GLIS3: variants seen among roughly 807,000 people sequenced by gnomAD.
GLIS3 encodes the protein GLIS family zinc finger 3, also known as zinc finger protein GLIS3.
A neutral mutation model predicts 78.6 loss-of-function variants in GLIS3; 53 were observed. That is an observed-to-expected ratio of 0.67 (90% CI 0.54 to 0.85). The LOEUF is 0.85. GLIS3 is among the 40% of genes least tolerant of loss of function. The probability of loss-of-function intolerance (pLI) is 0.00; values close to 1 mark genes in which losing one functional copy is unlikely to be tolerated. For missense variants in GLIS3, 1,703 were observed against 1,231.1 expected, an observed-to-expected ratio of 1.38 and a Z score of -5.74; for synonymous variants, 684 against 509.9, an observed-to-expected ratio of 1.34 and a Z score of -4.60.
chr9:3,881,801 A>G (rs536763776), intron 7 of GLIS3, among the ~76,000 whole-genome samples: 1 of 152,320 alleles, frequency 6.6e-6, no homozygotes, highest in Admixed American at 6.5e-5. Flanking sequence ...TGAAGGGAGC[A>G]GACCTCTATA....
the GLIS3 span, among the ~76,000 whole-genome samples, chr9:4,402,067 C>T: frequency 1.6e-4 from 24 of 152,262 alleles, no homozygotes; most frequent in Admixed American, 1.0e-3. Flanking sequence ...GGGAACTCAC[C>T]GTCTTAAAAG....
Position 4,342,059 on chromosome 9 carries a change from T to A in GLIS3, n.264+5022A>T, listed in dbSNP as rs144838379. Among the ~76,000 whole-genome samples, 571 of 152,372 alleles carry A rather than the reference T, an allele frequency of 3.7e-3. 3 individuals carry two copies. Among genetic ancestry groups the A allele is most frequent in the African/African-American group, 0.013 (548 of 41,582 alleles). On this transcript the variant is annotated intron_variant and non_coding_transcript_variant, in intron 2 of 4. Transcript: ENST00000471664. The stretch of plus-strand genomic sequence containing the variant: ...CCCATTCTGTAGTTTGTCTGTTTAA[T>A]CTGTGGATAGTTTCTTTTGCTGTGC...
chr9:4,392,948 T>TC, the GLIS3 span, among the ~76,000 whole-genome samples: 6 of 151,936 alleles, frequency 3.9e-5, no homozygotes, highest in African/African-American at 9.7e-5. Flanking sequence ...TTTTTTTTTT[T>TC]CCCCACATAT....
rs1832542813 is a variant in GLIS3, at chr9:4,125,937, A to G, written c.393T>C (p.Ala131=). 1.9e-6 allele frequency: 3 copies of G among 1,613,556 alleles called. No individual in the cohort carries two copies. The highest frequency in any genetic ancestry group is 1.7e-6 in the Non-Finnish European group (2 of 1,179,582). ...SPFPPNPGKG[A]LGFGPQCKSI... The stretch of plus-strand genomic sequence containing the variant: ...ACTTGCACTGAGGCCCAAAGCCAAG[A>G]GCCCCTAAAAACAAATGAATCAGGT... The change falls in exon 3 of 11, where the codon GCT becomes GCC. Residue 131 remains alanine, a synonymous_variant. Coordinates refer to ENST00000381971, the MANE Select transcript of GLIS3 (RefSeq NM_001042413.2).
Position 4,118,333 on chromosome 9 carries a change from G to A in GLIS3, c.1145C>T (p.Pro382Leu), listed in dbSNP as rs937756052. 4.4e-6 allele frequency: 7 copies of A among 1,575,134 alleles called. No homozygotes were observed. Among genetic ancestry groups the A allele is most frequent in the Admixed American group, 1.8e-5 (1 of 55,124 alleles). Residue 382 changes from proline to leucine, a missense_variant, in exon 4 of 11, where the codon CCG becomes CTG. Physicochemically the swap from Pro to Leu is moderately conservative, Grantham distance 98 (BLOSUM62 -3). Transcript: ENST00000381971. The surrounding 1 kb of genome is among the most constrained non-coding windows in gnomAD (Gnocchi z 4.7). ...VLVAPGGLAL[P>L]AYGEDGALEH... ...CAGGGCCCCGTCCTCGCCGTAGGCCGGCAGCGCCAGGCCTCCAGGGGCCAC... is the reference window on the plus strand; with the variant it reads ...CAGGGCCCCGTCCTCGCCGTAGGCCAGCAGCGCCAGGCCTCCAGGGGCCAC...
intron 4 of GLIS3, among the ~76,000 whole-genome samples, chr9:4,060,183 T>G (rs1030158027): frequency 1.3e-5 from 2 of 152,114 alleles, no homozygotes; most frequent in Admixed American, 6.6e-5. Flanking sequence ...AAACTCTCAG[T>G]GGAATTCCCA....
chr9:4,324,621 T>C (rs950371720), intron 2 of GLIS3, among the ~76,000 whole-genome samples: 1 of 152,240 alleles, frequency 6.6e-6, no homozygotes, highest in Non-Finnish European at 1.5e-5. Flanking sequence ...TTCTGAAATA[T>C]CTTCTCAAAA....
At chr9:4,193,648 A>T (rs1818531566) in intron 2 of GLIS3, among the ~76,000 whole-genome samples, 1 of 152,238 alleles carries the variant, frequency 6.6e-6, no homozygotes, top group Non-Finnish European at 1.5e-5. Context: ...TGTCAGAGAT[A>T]ATTTCAAGTT....
At chr9:4,139,834 C>T (rs970263923) in intron 2 of GLIS3, among the ~76,000 whole-genome samples, 15 of 152,194 alleles carry the variant, frequency 9.9e-5, no homozygotes, top group Admixed American at 3.9e-4. Flanking sequence ...TGATCTGACA[C>T]GAGGCGAAGC....
chr9:4,419,549 G>A, the GLIS3 span, among the ~76,000 whole-genome samples: 1 of 152,124 alleles, frequency 6.6e-6, no homozygotes, highest in East Asian at 1.9e-4. Context: ...CAGCATTTGA[G>A]GAGGCCGAGG....
chr9:4,092,253 A>G (rs1007720960), intron 4 of GLIS3, among the ~76,000 whole-genome samples: 1 of 150,264 alleles, frequency 6.7e-6, no homozygotes, highest in African/African-American at 2.5e-5. Flanking sequence ...CTGGGTTCAC[A>G]CCATTCTCCT....
chr9:4,355,362 T>G, the GLIS3 span, among the ~76,000 whole-genome samples: 6 of 152,072 alleles, frequency 3.9e-5, no homozygotes, highest in Non-Finnish European at 5.9e-5. Flanking sequence ...AGGCAATGCA[T>G]ATAGAGGGGT....
intron 9 of GLIS3, among the ~76,000 whole-genome samples, chr9:3,843,439 C>A (rs1055297212): frequency 2.0e-5 from 3 of 152,080 alleles, no homozygotes; most frequent in Admixed American, 2.0e-4. Flanking sequence ...GTATGGAAAC[C>A]TATATAAGTG....
At chr9:4,487,433 A>G in the GLIS3 span, among the ~76,000 whole-genome samples, 2 of 152,156 alleles carry the variant, frequency 1.3e-5, no homozygotes, top group Non-Finnish European at 2.9e-5. Flanking sequence ...CATTTTACAG[A>G]TGAAGAAACT....
At chr9:4,268,750 TA>T (rs939146236) in intron 2 of GLIS3, among the ~76,000 whole-genome samples, 1 of 152,166 alleles carries the variant, frequency 6.6e-6, no homozygotes, top group African/African-American at 2.4e-5. Context: ...CTGGAAGAGT[TA>T]CTAGGAGACC....
chr9:4,465,408 G>A, the GLIS3 span, among the ~76,000 whole-genome samples: 1 of 152,184 alleles, frequency 6.6e-6, no homozygotes, highest in Admixed American at 6.5e-5. Context: ...AATTAGCCAT[G>A]CATGGTGACA....
chr9:4,001,761 G>A (rs919478171), intron 4 of GLIS3, among the ~76,000 whole-genome samples: 4 of 152,308 alleles, frequency 2.6e-5, no homozygotes, highest in Middle Eastern at 3.4e-3. Flanking sequence ...GCAGATACCA[G>A]CTTTCAATAA....
chr9:4,331,287 C>T (rs995257343), intron 2 of GLIS3, among the ~76,000 whole-genome samples: 7 of 152,086 alleles, frequency 4.6e-5, no homozygotes, highest in Non-Finnish European at 1.0e-4. Context: ...TTCTTTTGTG[C>T]GTGTGTGTCT....
chr9:4,008,936 C>G (rs1022291658), intron 4 of GLIS3, among the ~76,000 whole-genome samples: 4 of 151,988 alleles, frequency 2.6e-5, no homozygotes, highest in Non-Finnish European at 5.9e-5. Flanking sequence ...AACTCACAGC[C>G]TAGGGCTCTT....
Sources: allele counts gnomAD v4.1 joint callset (sites outside exome capture counted in the v4.1 genomes callset), GRCh38; gene constraint gnomAD v4.1.1; non-coding constraint Gnocchi (gnomAD v3.1); transcripts MANE v1.5; gene names NCBI Gene and HGNC (gene_info 2026-07-23, HGNC 2026-07-21).